Variants in CNTNAP5 observed in about 807,000 individuals in gnomAD.
CNTNAP5 encodes the protein contactin-associated protein-like 5.
In CNTNAP5, 72 loss-of-function variants were observed where a neutral mutation model predicts 150.2. That is an observed-to-expected ratio of 0.48 (90% CI 0.40 to 0.58). The LOEUF is 0.58. Among genes scored for constraint, CNTNAP5 ranks in the 20% least tolerant of loss-of-function variants. The probability of loss-of-function intolerance (pLI) is 0.00; values close to 1 mark genes in which losing one functional copy is unlikely to be tolerated. For missense variants in CNTNAP5, 1,636 were observed against 1,626.2 expected, an observed-to-expected ratio of 1.01 and a Z score of -0.10; for synonymous variants, 672 against 619.8, an observed-to-expected ratio of 1.08 and a Z score of -1.25.
At chr2:124,566,332 G>C (rs1375278615) in intron 11 of CNTNAP5, among the ~76,000 whole-genome samples, 2 of 152,108 alleles carry the variant, frequency 1.3e-5, no homozygotes, top group Admixed American at 1.3e-4. Context: ...TTCTCCAAAA[G>C]TAATTTAACA....
intron 1 of CNTNAP5, among the ~76,000 whole-genome samples, chr2:124,112,719 C>CA (rs1304222833): frequency 8.6e-5 from 13 of 151,568 alleles, no homozygotes; most frequent in East Asian, 5.8e-4. Context: ...TCCCTCCTCC[C>CA]AAAAAAAACC....
chr2:124,649,659 G>A (rs1329405128), intron 13 of CNTNAP5, among the ~76,000 whole-genome samples: 6 of 152,162 alleles, frequency 3.9e-5, no homozygotes, highest in Non-Finnish European at 8.8e-5. Flanking sequence ...GGGAGTAAGG[G>A]CTTGATGCTG....
chr2:124,275,320 T>C (rs1687859946), intron 3 of CNTNAP5, among the ~76,000 whole-genome samples: 1 of 152,140 alleles, frequency 6.6e-6, no homozygotes, highest in African/African-American at 2.4e-5. Context: ...GCTGTCCTGG[T>C]AATGAGGTTG....
intron 1 of CNTNAP5, among the ~76,000 whole-genome samples, chr2:124,128,905 C>T (rs967524528): frequency 5.9e-5 from 9 of 152,046 alleles, no homozygotes; most frequent in African/African-American, 2.2e-4. Context: ...ACACTGGAGC[C>T]TGTCATGGGG....
At chr2:124,203,648 G>T (rs573642653) in intron 1 of CNTNAP5, among the ~76,000 whole-genome samples, 20 of 152,288 alleles carry the variant, frequency 1.3e-4, no homozygotes, top group Non-Finnish European at 2.4e-4. Context: ...TGACCTCTGT[G>T]CACCCACAGG....
chr2:124,772,721 C>A, intron 16 of CNTNAP5, 78 bp from the exon 17 acceptor site: 1 of 1,046,404 alleles, frequency 9.6e-7, no homozygotes, highest in Non-Finnish European at 1.5e-6. Flanking sequence ...GACTTACAAT[C>A]GTTTCTCCCA....
At position 124,455,401 on chromosome 2, in the gene CNTNAP5, G is replaced by A. The variant is rs978758367; in HGVS notation, c.918+8464G>A. On this transcript the variant is annotated intron_variant, in intron 6 of 23. Transcript: ENST00000682447. ...AATAACAAGCAGCGATATTGAAATA[G>A]TAATCAAAAAATTACCAATAAAAAA... is the stretch of plus-strand genomic sequence containing the variant. 6.6e-5 allele frequency among the ~76,000 whole-genome samples: 10 copies of A among 152,162 alleles called. No homozygotes were observed. The East Asian group carries it at 1.9e-3, about 29-fold the overall frequency.
chr2:124,524,560 A>C, intron 9 of CNTNAP5, 108 bp downstream of exon 9: 6 of 953,110 alleles, frequency 6.3e-6, no homozygotes, highest in Non-Finnish European at 9.4e-6. Context: ...AATTCTCCCA[A>C]CACACAAACA....
intron 13 of CNTNAP5, among the ~76,000 whole-genome samples, chr2:124,724,150 T>TAATAAC: frequency 6.8e-6 from 1 of 147,948 alleles, no homozygotes; most frequent in East Asian, 2.1e-4. Flanking sequence ...TCTCAAATAA[T>TAATAAC]AATAATAATA....
At chr2:124,187,475 A>T in intron 1 of CNTNAP5, among the ~76,000 whole-genome samples, 1 of 152,360 alleles carries the variant, frequency 6.6e-6, no homozygotes, top group East Asian at 1.9e-4. Context: ...CTGGGAATTC[A>T]TTTAAATATA....
In CNTNAP5 at chr2:124,025,602, C is replaced by T. The variant is rs1049420871; in HGVS notation, c.-49C>T. On this transcript the variant is annotated 5_prime_UTR_variant, in exon 1 of 24. Coordinates refer to ENST00000682447, the MANE Select transcript of CNTNAP5 (RefSeq NM_001367498.1). The stretch of plus-strand genomic sequence containing the variant: ...GACAGCGAGAAGAAGCCGCGGCTGG[C>T]TACTGCGAATTTGGGATTCGATTGG... 9.0e-6 allele frequency: 14 copies of T among 1,553,112 alleles called. No individual in the cohort carries two copies. The highest frequency in any genetic ancestry group is 1.1e-5 in the Non-Finnish European group (12 of 1,124,510).
intron 3 of CNTNAP5, among the ~76,000 whole-genome samples, chr2:124,292,161 T>C (rs960268162): frequency 7.2e-5 from 11 of 152,280 alleles, no homozygotes; most frequent in African/African-American, 2.4e-4. Context: ...TTTTTTCCTT[T>C]AGGGTGCTTT....
At chr2:124,502,067 C>A (rs569311325) in intron 7 of CNTNAP5, among the ~76,000 whole-genome samples, 13 of 152,214 alleles carry the variant, frequency 8.5e-5, no homozygotes, top group South Asian at 8.3e-4. Flanking sequence ...AAAGCATATC[C>A]CAGTGCATTT....
At chr2:124,791,768 C>G (rs73955823) in intron 18 of CNTNAP5, among the ~76,000 whole-genome samples, 5,014 of 140,230 alleles carry the variant, frequency 0.036, 283 homozygotes, top group African/African-American at 0.13. Flanking sequence ...GGCCCTGTAT[C>G]TTTTCCCTGC....
At chr2:124,210,882 A>G (rs958248119) in intron 1 of CNTNAP5, among the ~76,000 whole-genome samples, 7 of 152,186 alleles carry the variant, frequency 4.6e-5, no homozygotes, top group African/African-American at 1.7e-4. Flanking sequence ...TATGAACTTG[A>G]ATGAAATTCA....
At chr2:124,441,599 G>T (rs1356166320) in intron 5 of CNTNAP5, among the ~76,000 whole-genome samples, 9 of 151,972 alleles carry the variant, frequency 5.9e-5, no homozygotes, top group African/African-American at 1.9e-4. Flanking sequence ...GTATACTTTT[G>T]AAATAATGTA....
chr2:124,464,240 G>T (rs553162286), intron 6 of CNTNAP5, among the ~76,000 whole-genome samples: 1 of 152,002 alleles, frequency 6.6e-6, no homozygotes, highest in African/African-American at 2.4e-5. Context: ...GCAAGGGAGC[G>T]CAGGCACTTT....
At chr2:124,497,951 C>T (rs1358727652) in intron 7 of CNTNAP5, among the ~76,000 whole-genome samples, 1 of 152,232 alleles carries the variant, frequency 6.6e-6, no homozygotes, top group Non-Finnish European at 1.5e-5. Flanking sequence ...TTAACTACTA[C>T]TGTGTTCTCT....
intron 18 of CNTNAP5, among the ~76,000 whole-genome samples, chr2:124,795,834 T>A (rs577675639): frequency 2.8e-4 from 43 of 152,160 alleles, no homozygotes; most frequent in East Asian, 2.1e-3. Context: ...TTGTTTTTTT[T>A]AAAATATGTG....
Sources: allele counts gnomAD v4.1 joint callset (sites outside exome capture counted in the v4.1 genomes callset), GRCh38; gene constraint gnomAD v4.1.1; transcripts MANE v1.5; gene names NCBI Gene and HGNC (gene_info 2026-07-23, HGNC 2026-07-21).